The following XRCC5 variants were observed in gnomAD, a reference collection of about 807,000 sequenced individuals.
XRCC5 encodes the protein DNA repair protein Ku80.
Under a neutral mutation model 95.7 loss-of-function variants are expected in XRCC5, and 12 were observed. The ratio of observed to expected loss-of-function variants is 0.13; its 90% CI spans 0.08 to 0.20. XRCC5 has a LOEUF of 0.20. Among genes scored for constraint, XRCC5 ranks in the 10% least tolerant of loss-of-function variants. The pLI, the probability that XRCC5 is intolerant of heterozygous loss-of-function variation, is 1.00. For synonymous variants in XRCC5, 281 were observed against 290.3 expected, an observed-to-expected ratio of 0.97 and a Z score of 0.33; for missense variants, 595 against 873.9, an observed-to-expected ratio of 0.68 and a Z score of 4.02.
intron 9 of XRCC5, among the ~76,000 whole-genome samples, chr2:216,131,831 T>G (rs922461515): frequency 6.6e-6 from 1 of 152,236 alleles, no homozygotes; most frequent in Non-Finnish European, 1.5e-5. Flanking sequence ...GTTCTCCAAA[T>G]GTACCATGCT....
intron 14 of XRCC5, among the ~76,000 whole-genome samples, chr2:216,154,683 C>T (rs1020288911): frequency 6.6e-6 from 1 of 152,186 alleles, no homozygotes. Context: ...TCACTTGATA[C>T]AAAATCTATG....
At chr2:216,129,319 G>A (rs1321212795) in intron 8 of XRCC5, among the ~76,000 whole-genome samples, 2 of 152,188 alleles carry the variant, frequency 1.3e-5, no homozygotes, top group African/African-American at 4.8e-5. Flanking sequence ...ATCAGCTAGA[G>A]GTTTTTGCTT....
intron 16 of XRCC5, among the ~76,000 whole-genome samples, chr2:216,183,145 C>G (rs1417121343): frequency 6.6e-6 from 1 of 152,240 alleles, no homozygotes; most frequent in African/African-American, 2.4e-5. Context: ...ACAGAGTGAA[C>G]TAAGGCCAAG....
At position 216,116,840 on chromosome 2, in the gene XRCC5, A is replaced by G; in HGVS notation, c.317A>G (p.Asp106Gly). ...ATCCAACCAGGTTCTCAACAGGCTGACTGTATCCTTTTTCTGCCAGAGAAG... is the reference window on the plus strand; with the variant it reads ...ATCCAACCAGGTTCTCAACAGGCTGGCTGTATCCTTTTTCTGCCAGAGAAG... ...SKIQPGSQQA[D>G]FLDALIVSMD... is the part of the protein sequence containing the mutation. The change falls in exon 3 of 21, where the codon GAC (aspartate) becomes GGC (glycine). Residue 106 changes from aspartate to glycine, a missense_variant and splice_region_variant. Physicochemically the swap from Asp to Gly is moderately conservative, Grantham distance 94 (BLOSUM62 -1). Around this residue, in one of 2 missense-constraint regions of XRCC5, gnomAD observed 286 missense variants for 491.1 expected, o/e 0.58. Coordinates refer to ENST00000392132, the MANE Select transcript of XRCC5 (RefSeq NM_021141.4). 6.2e-7 allele frequency: 1 copy of G among 1,611,942 alleles called. No individual in the cohort carries two copies. Among genetic ancestry groups the G allele is most frequent in the Non-Finnish European group, 8.5e-7 (1 of 1,178,330 alleles).
intron 16 of XRCC5, among the ~76,000 whole-genome samples, chr2:216,173,501 T>C (rs908606243): frequency 2.0e-5 from 3 of 152,246 alleles, no homozygotes; most frequent in Non-Finnish European, 2.9e-5. Flanking sequence ...TCTGCTAATA[T>C]ATTAATTGAC....
chr2:216,201,934 T>C (rs976876322), intron 19 of XRCC5, among the ~76,000 whole-genome samples: 1 of 152,220 alleles, frequency 6.6e-6, no homozygotes, highest in East Asian at 1.9e-4. Context: ...ATAATTTGCT[T>C]ACACAGAAAT....
At chr2:216,131,584 G>C (rs1164369576) in intron 9 of XRCC5, among the ~76,000 whole-genome samples, 1 of 151,974 alleles carries the variant, frequency 6.6e-6, no homozygotes, top group African/African-American at 2.4e-5. Flanking sequence ...TAAGGGGGTG[G>C]GGGGAGAGAC....
Position 216,187,821 on chromosome 2 carries a change from A to ACTCTCTCTCTCTCT in XRCC5, c.1835-2376_1835-2363dup, listed in dbSNP as rs371097633. 3.1e-4 allele frequency among the ~76,000 whole-genome samples: 15 copies of ACTCTCTCTCTCTCT among 47,964 alleles called. 1 individual carries two copies. The highest frequency in any genetic ancestry group is 1.1e-3 in the African/African-American group (11 of 10,028). 31.5% of individuals were successfully genotyped at this position (47,964 alleles called of 152,430 possible). A position where few individuals can be genotyped will look rare whatever the true frequency, so the allele number is the denominator to read the frequency against. ...CACACACACACACACACACACACAC[A>ACTCTCTCTCTCTCT]CTCTCTCTCTCTCTCTCTCTCTCTC... On this transcript the variant is annotated intron_variant, in intron 16 of 20. Coordinates refer to ENST00000392132, the MANE Select transcript of XRCC5 (RefSeq NM_021141.4).
chr2:216,156,904 C>CT (rs1376884336), intron 14 of XRCC5: 1 of 323,260 alleles, frequency 3.1e-6, no homozygotes, highest in African/African-American at 2.2e-5. Context: ...GGAAGAAGGG[C>CT]TTTTGAATAT....
In XRCC5 at chr2:216,160,111, G is replaced by A. The variant is rs748659715; in HGVS notation, c.1714G>A (p.Gly572Arg). The change falls in exon 15 of 21, where the codon GGG becomes AGG. Residue 572 changes from glycine to arginine, a missense_variant. Transcript: ENST00000392132. The part of the protein sequence containing the change: ...PTAKKLKTEQ[G>R]GAHFSVSSLA... Reference sequence around the variant, plus strand: ...AGCTAAAAAATTAAAGACTGAGCAAGGGGGAGCCCACTTCAGCGTCTCCAG... The same window carrying A: ...AGCTAAAAAATTAAAGACTGAGCAAAGGGGAGCCCACTTCAGCGTCTCCAG... 8.7e-6 allele frequency: 14 copies of A among 1,607,862 alleles called. No individual in the cohort carries two copies. Among genetic ancestry groups the A allele is most frequent in the African/African-American group, 2.7e-5 (2 of 74,476 alleles).
At chr2:216,193,506 C>A (rs1689657932) in intron 18 of XRCC5, among the ~76,000 whole-genome samples, 1 of 152,206 alleles carries the variant, frequency 6.6e-6, no homozygotes, top group South Asian at 2.1e-4. Flanking sequence ...TATCTATCCG[C>A]CTTCTAATGG....
At position 216,148,125 on chromosome 2, in the gene XRCC5, C is replaced by T; in HGVS notation, c.1519C>T (p.Pro507Ser). ...RALHPREPLP[P>S]IQQHIWNMLN... is the part of the protein sequence containing the mutation. ...TTTACATCCCCGGGAGCCTCTACCCCCAATTCAGCAGCATATTTGGAATAT... is the reference window on the plus strand; with the variant it reads ...TTTACATCCCCGGGAGCCTCTACCCTCAATTCAGCAGCATATTTGGAATAT... The change falls in exon 14 of 21, where the codon CCA becomes TCA. Residue 507 changes from proline (P) to serine (S), a missense_variant. By Grantham distance (74) the Pro-to-Ser change is moderately conservative. This residue lies in a region of XRCC5 where 309 missense variants were observed against 382.9 expected (regional missense o/e 0.81). Transcript: ENST00000392132. 1.2e-6 allele frequency: 2 copies of T among 1,613,800 alleles called. No homozygotes were observed. Among genetic ancestry groups the T allele is most frequent in the Non-Finnish European group, 1.7e-6 (2 of 1,179,906 alleles).
intron 14 of XRCC5, among the ~76,000 whole-genome samples, chr2:216,155,784 A>T (rs1185073137): frequency 1.3e-5 from 2 of 152,226 alleles, no homozygotes; most frequent in African/African-American, 2.4e-5. Context: ...ATAAAAATAT[A>T]TACACATCTA....
At chr2:216,152,232 T>C (rs1688757664) in intron 14 of XRCC5, among the ~76,000 whole-genome samples, 1 of 151,680 alleles carries the variant, frequency 6.6e-6, no homozygotes, top group Non-Finnish European at 1.5e-5. Flanking sequence ...AGGTCAGGAG[T>C]TCCAGACCAG....
At chr2:216,116,941 A>G (rs1036874423) in intron 3 of XRCC5, 99 bp downstream of exon 3, 4 of 1,332,302 alleles carry the variant, frequency 3.0e-6, no homozygotes, top group Admixed American at 4.0e-5. Flanking sequence ...AGCTATGAGT[A>G]TATGGGTATA....
At chr2:216,162,767 G>C (rs987092152) in intron 16 of XRCC5, among the ~76,000 whole-genome samples, 6 of 152,124 alleles carry the variant, frequency 3.9e-5, no homozygotes, top group African/African-American at 1.4e-4. Flanking sequence ...AGTAGACCTA[G>C]AAAGACCTTG....
In XRCC5 at chr2:216,130,359, C is replaced by G. The variant is rs139312727; in HGVS notation, c.938-516C>G. 3.7e-3 allele frequency among the ~76,000 whole-genome samples: 553 copies of G among 150,588 alleles called. 5 individuals carry two copies. The highest frequency in any genetic ancestry group is 0.013 in the African/African-American group (524 of 40,960). On this transcript the variant is annotated intron_variant, in intron 8 of 20. Transcript: ENST00000392132. ...AATTTAAATATAGAAAAATATATAA[C>G]TTATCAATTGAATGTTTCCAAACAG...
At chr2:216,194,516 A>G (rs1340025022) in intron 18 of XRCC5, among the ~76,000 whole-genome samples, 2 of 152,240 alleles carry the variant, frequency 1.3e-5, no homozygotes, top group African/African-American at 4.8e-5. Context: ...AGAGTTGATC[A>G]AGGAAGGCTT....
Position 216,122,205 on chromosome 2 carries a change from T to C in XRCC5, c.635T>C (p.Met212Thr). The C allele has an allele frequency of 6.2e-7, 1 of 1,613,754 alleles. No homozygotes were observed. The highest frequency in any genetic ancestry group is 8.5e-7 in the Non-Finnish European group (1 of 1,179,900). Residue 212 changes from methionine to threonine, a missense_variant, in exon 6 of 21, where the codon ATG becomes ACG. Transcript: ENST00000392132. ...GGTCTTGAGATAGTGAAAATGGTGATGATATCTTTAGAAGGTGAAGATGGG... is the reference window on the plus strand; with the variant it reads ...GGTCTTGAGATAGTGAAAATGGTGACGATATCTTTAGAAGGTGAAGATGGG... ...KEGLEIVKMVMISLEGEDGLD... is the reference protein window; with the variant it reads ...KEGLEIVKMVTISLEGEDGLD...
Sources: allele counts gnomAD v4.1 joint callset (sites outside exome capture counted in the v4.1 genomes callset), GRCh38; gene constraint gnomAD v4.1.1; regional missense constraint gnomAD v4.1.1; transcripts MANE v1.5; gene names NCBI Gene and HGNC (gene_info 2026-07-23, HGNC 2026-07-21).